Variants in EPB41 observed in about 807,000 individuals in gnomAD.
EPB41 encodes the protein protein 4.1.
A neutral mutation model predicts 108.0 loss-of-function variants in EPB41; 65 were observed. That is an observed-to-expected ratio of 0.60 (90% CI 0.49 to 0.74). EPB41 has a LOEUF of 0.74. Among genes scored for constraint, EPB41 ranks in the 30% least tolerant of loss-of-function variants. The pLI, the probability that EPB41 is intolerant of heterozygous loss-of-function variation, is 0.00. For synonymous variants in EPB41, 336 were observed against 358.9 expected, an observed-to-expected ratio of 0.94 and a Z score of 0.72; for missense variants, 875 against 1,037.0, an observed-to-expected ratio of 0.84 and a Z score of 2.15.
At chr1:29,084,354 C>T (rs1657942034) in intron 16 of EPB41, among the ~76,000 whole-genome samples, 1 of 152,214 alleles carries the variant, frequency 6.6e-6, no homozygotes, top group African/African-American at 2.4e-5. Context: ...AGTCATTGCA[C>T]AGATGATGGT....
chr1:29,001,818 T>C (rs2096298686), intron 4 of EPB41, among the ~76,000 whole-genome samples: 1 of 152,204 alleles, frequency 6.6e-6, no homozygotes, highest in Non-Finnish European at 1.5e-5. Flanking sequence ...CCTTACGAAG[T>C]TGAGAGTTTA....
At chr1:29,089,892 G>A (rs1660580348) in intron 16 of EPB41, among the ~76,000 whole-genome samples, 1 of 152,134 alleles carries the variant, frequency 6.6e-6, no homozygotes. Context: ...GAAGGTTTGA[G>A]ATGAGAAAGA....
At chr1:29,006,621 A>C (rs947772636) in intron 4 of EPB41, among the ~76,000 whole-genome samples, 2 of 151,850 alleles carry the variant, frequency 1.3e-5, no homozygotes, top group African/African-American at 4.8e-5. Flanking sequence ...AAAATCCCCT[A>C]TTGTGTCCCT....
chr1:28,957,143 G>C (rs1249772746), intron 1 of EPB41, among the ~76,000 whole-genome samples: 1 of 152,224 alleles, frequency 6.6e-6, no homozygotes, highest in African/African-American at 2.4e-5. Flanking sequence ...TATCTTGTAG[G>C]TATGGCTAAC....
intron 3 of EPB41, among the ~76,000 whole-genome samples, chr1:28,994,211 G>T (rs376732152): frequency 1.3e-5 from 2 of 151,032 alleles, no homozygotes; most frequent in African/African-American, 4.9e-5. Context: ...TCTCTCTGTC[G>T]TCCAGGCTGG....
chr1:28,972,065 G>T (rs1165589887), intron 1 of EPB41, among the ~76,000 whole-genome samples: 2 of 152,000 alleles, frequency 1.3e-5, no homozygotes, highest in African/African-American at 4.8e-5. Flanking sequence ...GGGACTACAG[G>T]TGCACGCTAC....
chr1:28,949,510 A>G (rs1039068216), intron 1 of EPB41, among the ~76,000 whole-genome samples: 6 of 152,034 alleles, frequency 3.9e-5, no homozygotes, highest in African/African-American at 1.4e-4. Flanking sequence ...TTAAAAATAT[A>G]TTGTTTAGTT....
At chr1:28,928,682 G>A (rs998299799) in intron 1 of EPB41, among the ~76,000 whole-genome samples, 4 of 152,196 alleles carry the variant, frequency 2.6e-5, no homozygotes, top group African/African-American at 7.2e-5. Context: ...TTTGTTTGAG[G>A]AGATCTAGTA....
At chr1:29,105,088 AC>A in intron 17 of EPB41, among the ~76,000 whole-genome samples, 1 of 152,240 alleles carries the variant, frequency 6.6e-6, no homozygotes, top group Non-Finnish European at 1.5e-5. Flanking sequence ...ACAGAACATT[AC>A]CCCTGAAACT....
intron 1 of EPB41, among the ~76,000 whole-genome samples, chr1:28,915,662 A>G (rs1042971053): frequency 4.8e-5 from 7 of 146,792 alleles, no homozygotes; most frequent in Non-Finnish European, 4.5e-5. Context: ...GTCTGTGGAG[A>G]CTTGTTTTTT....
At chr1:29,050,082 G>A (rs1243736254) in intron 11 of EPB41, among the ~76,000 whole-genome samples, 1 of 152,160 alleles carries the variant, frequency 6.6e-6, no homozygotes, top group Non-Finnish European at 1.5e-5. Flanking sequence ...TTTTACAGAT[G>A]ATTAAACTAA....
intron 1 of EPB41, among the ~76,000 whole-genome samples, chr1:28,894,318 T>C (rs576766749): frequency 6.6e-6 from 1 of 152,332 alleles, no homozygotes; most frequent in African/African-American, 2.4e-5. Context: ...AGATATTTAT[T>C]GACTGTTTAT....
At chr1:29,059,951 G>T (rs1018242185) in intron 14 of EPB41, among the ~76,000 whole-genome samples, 1 of 152,096 alleles carries the variant, frequency 6.6e-6, no homozygotes, top group Non-Finnish European at 1.5e-5. Context: ...TTTTATAAAA[G>T]AGATCTAATC....
At position 29,018,419 on chromosome 1, in the gene EPB41, C is replaced by G. The variant is rs752818050; in HGVS notation, c.1101C>G (p.Val367=). Residue 367 remains valine, a synonymous_variant, in exon 7 of 21, where the codon GTC becomes GTG. Coordinates refer to ENST00000343067, the MANE Select transcript of EPB41 (RefSeq NM_001376013.1). The surrounding 1 kb of genome is among the most constrained non-coding windows in gnomAD (Gnocchi z 4.4). ...PNQTKELEEK[V]MELHKSYRSM... ...AGACCAAGGAACTTGAAGAGAAGGT[C>G]ATGGAACTGCATAAGTCATACAGGT... 2.5e-6 allele frequency: 4 copies of G among 1,614,058 alleles called. No homozygotes were observed. The highest frequency in any genetic ancestry group is 3.4e-6 in the Non-Finnish European group (4 of 1,180,020).
intron 16 of EPB41, among the ~76,000 whole-genome samples, chr1:29,075,629 A>G (rs1653715492): frequency 6.6e-6 from 1 of 152,200 alleles, no homozygotes; most frequent in African/African-American, 2.4e-5. Context: ...TCTCAAAATC[A>G]ACAAAGGCAG....
intron 1 of EPB41, among the ~76,000 whole-genome samples, chr1:28,965,372 AT>A (rs556250082): frequency 9.3e-5 from 14 of 150,002 alleles, no homozygotes; most frequent in Admixed American, 2.7e-4. Context: ...GCATTTTATA[AT>A]TTTTTTTTTA....
At chr1:28,944,183 G>A (rs1377753521) in intron 1 of EPB41, among the ~76,000 whole-genome samples, 3 of 152,126 alleles carry the variant, frequency 2.0e-5, no homozygotes, top group Non-Finnish European at 4.4e-5. Context: ...CGGACAGAGA[G>A]AGAAGGATGG....
At position 28,934,674 on chromosome 1, in the gene EPB41, G is replaced by GTA. The variant is rs144971437; in HGVS notation, c.-8+19907_-8+19908insAT. On this transcript the variant is annotated intron_variant, in intron 1 of 20. Transcript: ENST00000343067. The stretch of plus-strand genomic sequence containing the variant: ...CTCTGGTTCTTTTGACATTGTGTGT[G>GTA]TGTGTGTGTGTGTGTGTGTGTGTGT... Among the ~76,000 whole-genome samples, 4 of 150,134 alleles carry GTA rather than the reference G, an allele frequency of 2.7e-5. No homozygotes were observed. The East Asian group carries it at 7.8e-4, about 29-fold the overall frequency.
In EPB41 at chr1:29,115,842, TC is replaced by T. The variant is rs777820625; in HGVS notation, c.*6+42del. ...CTGCTGGGGCTGAGGGTGCCCACAG[TC>T]CCAGCCTGAGAGGGCTCTGGATGGG... On this transcript the variant is annotated intron_variant, in intron 20 of 20. Coordinates refer to ENST00000343067, the MANE Select transcript of EPB41 (RefSeq NM_001376013.1). This position sits in a 1 kb window ranked among gnomAD's most constrained non-coding sequence, Gnocchi z 4.4. 1 of 1,508,196 alleles carries T rather than the reference TC, an allele frequency of 6.6e-7. No homozygotes were observed. Among genetic ancestry groups the T allele is most frequent in the South Asian group, 1.1e-5 (1 of 88,950 alleles). 93.4% of individuals were successfully genotyped at this position (1,508,196 alleles called of 1,614,324 possible).
Sources: gnomAD v4.1 joint callset for allele counts (sites outside exome capture counted in the v4.1 genomes callset) on GRCh38, gnomAD v4.1.1 for gene constraint, Gnocchi (gnomAD v3.1) non-coding constraint, MANE v1.5 for transcripts, NCBI Gene and HGNC (gene_info 2026-07-23, HGNC 2026-07-21) for gene names.